Variants in HDLBP observed in about 807,000 individuals in gnomAD.
The protein encoded by HDLBP is high density lipoprotein binding protein, also known as vigilin.
HDLBP carries 30 observed loss-of-function variants against 137.3 expected under a neutral mutation model. That is an observed-to-expected ratio of 0.22 (90% confidence interval 0.16 to 0.30). HDLBP has a LOEUF of 0.30. Among genes scored for constraint, HDLBP ranks in the 10% least tolerant of loss-of-function variants. HDLBP has a pLI of 1.00. For missense variants in HDLBP, 1,119 were observed against 1,667.3 expected (o/e 0.67, Z 5.73); for synonymous variants, 606 against 596.0 (o/e 1.02, Z -0.24).
intron 12 of HDLBP, 77 bp from the exon 13 acceptor site, chr2:241,248,425 G>A: frequency 8.5e-7 from 1 of 1,173,302 alleles, no homozygotes; most frequent in Non-Finnish European, 1.3e-6. Flanking sequence ...GGGGACACCA[G>A]GGAGCCCTGG....
intron 1 of HDLBP, among the ~76,000 whole-genome samples, chr2:241,306,135 G>C (rs1280792328): frequency 6.6e-6 from 1 of 151,916 alleles, no homozygotes; most frequent in East Asian, 1.9e-4. Flanking sequence ...GATGTTTTAT[G>C]AGTGACTACC....
Position 241,239,808 on chromosome 2 carries a change from C to T in HDLBP, c.2404G>A (p.Glu802Lys), listed in dbSNP as rs1221036289. 1 of 1,613,718 alleles carries T rather than the reference C, an allele frequency of 6.2e-7. No homozygotes were observed. Among genetic ancestry groups the T allele is most frequent in the Non-Finnish European group, 8.5e-7 (1 of 1,179,980 alleles). The change falls in exon 19 of 28, where the codon GAA becomes AAA. Residue 802 changes from glutamate to lysine, a missense_variant. Physicochemically the swap from Glu to Lys is moderately conservative, Grantham distance 56. Coordinates refer to ENST00000310931, the MANE Select transcript of HDLBP (RefSeq NM_005336.6). The surrounding 1 kb of genome is among the most constrained non-coding windows in gnomAD (Gnocchi z 4.6). ...TTGGGGTCCACCAGCATGGAGTCTT[C>T]CACCACATTATCCTGCAGTGTTAAG... Reference protein sequence around the residue: ...ALIQNLDNVVEDSMLVDPKHH... With the variant: ...ALIQNLDNVVKDSMLVDPKHH...
At chr2:241,283,431 T>C (rs2074684285) in intron 1 of HDLBP, among the ~76,000 whole-genome samples, 1 of 151,750 alleles carries the variant, frequency 6.6e-6, no homozygotes, top group Admixed American at 6.6e-5. Flanking sequence ...AGCCTCATAG[T>C]GCAAGAAGAT....
At chr2:241,307,596 AC>A (rs35978047) in intron 1 of HDLBP, among the ~76,000 whole-genome samples, 7 of 151,932 alleles carry the variant, frequency 4.6e-5, no homozygotes, top group African/African-American at 9.7e-5. Flanking sequence ...AAAACTGGCA[AC>A]CCCCCCATGA....
At chr2:241,234,611 A>G (rs1574846298) in intron 23 of HDLBP, among the ~76,000 whole-genome samples, 1 of 152,336 alleles carries the variant, frequency 6.6e-6, no homozygotes, top group South Asian at 2.1e-4. Context: ...CTCTGCTCAC[A>G]CAATCCTCCA....
chr2:241,256,407 G>A lies in HDLBP; in HGVS notation c.658-8C>T, dbSNP rs2149486036. ...CTCCACAGCACGTTTGTCCTGGAAA[G>A]GAAGGGATGATCTGATGAGAACAGG... On this transcript the variant is annotated splice_region_variant and splice_polypyrimidine_tract_variant and intron_variant, in intron 6 of 27. Transcript: ENST00000310931. The A allele has an allele frequency of 1.9e-6, 3 of 1,598,808 alleles. No homozygotes were observed. Among genetic ancestry groups the A allele is most frequent in the African/African-American group, 2.7e-5 (2 of 74,838 alleles).
At chr2:241,255,283 AG>A in intron 8 of HDLBP, 90 bp downstream of exon 8, 2 of 1,429,770 alleles carry the variant, frequency 1.4e-6, no homozygotes, top group Non-Finnish European at 2.0e-6. Context: ...CACTGTGTCC[AG>A]GCCCCAGGAT....
chr2:241,315,570 C>G lies in HDLBP; in HGVS notation c.-103G>C, dbSNP rs1304110871. The G allele has an allele frequency of 6.6e-6, 1 of 152,440 alleles. No homozygotes were observed. The highest frequency in any genetic ancestry group is 1.9e-4 in the East Asian group (1 of 5,190). The allele number at this position is 152,440 out of a possible 1,614,324, so 9.4% of individuals were successfully genotyped here. On this transcript the variant is annotated splice_region_variant and 5_prime_UTR_variant, in exon 1 of 28. Coordinates refer to ENST00000310931, the MANE Select transcript of HDLBP (RefSeq NM_005336.6). The stretch of plus-strand genomic sequence containing the variant: ...ACCGCAAGGCGAAGATTCTCATTAC[C>G]TGTTCCACTCTTATAAGCATAAGAA...
chr2:241,235,656 C>A, intron 21 of HDLBP, 62 bp from the exon 22 acceptor site: 1 of 1,166,666 alleles, frequency 8.6e-7, no homozygotes, highest in Non-Finnish European at 1.3e-6. Context: ...GTTGTAAGCT[C>A]AGCAATGGGG....
intron 1 of HDLBP, among the ~76,000 whole-genome samples, chr2:241,290,654 A>G (rs1010832381): frequency 6.6e-6 from 1 of 151,970 alleles, no homozygotes; most frequent in Non-Finnish European, 1.5e-5. Flanking sequence ...TAAAAATAAA[A>G]CGTTCCACTT....
In HDLBP at chr2:241,272,872, G is replaced by T; in HGVS notation, c.-102-4331C>A. On this transcript the variant is annotated intron_variant, in intron 1 of 27. Coordinates refer to ENST00000310931, the MANE Select transcript of HDLBP (RefSeq NM_005336.6). This position sits in a 1 kb window ranked among gnomAD's most constrained non-coding sequence, Gnocchi z 5.6. ...GGCCCCGGCTGCTATATAGGGCGGC[G>T]GCCCAATCCCGCCTGGACACGTCAG... The T allele has an allele frequency of 2.7e-6, 1 of 366,802 alleles. No homozygotes were observed. Among genetic ancestry groups the T allele is most frequent in the Non-Finnish European group, 3.8e-6 (1 of 264,784 alleles). 22.7% of individuals were successfully genotyped at this position (366,802 alleles called of 1,614,324 possible).
chr2:241,274,234 T>C (rs59542139), intron 1 of HDLBP, among the ~76,000 whole-genome samples: 48,252 of 151,844 alleles, frequency 0.32, 8,391 homozygotes, highest in East Asian at 0.51. Flanking sequence ...CCAGCAGAAA[T>C]ACCATGCACT....
chr2:241,255,055 G>A lies in HDLBP; in HGVS notation c.1184C>T (p.Pro395Leu). Residue 395 changes from proline (P) to leucine (L), a missense_variant, in exon 9 of 28, where the codon CCA (proline) becomes CTA (leucine). This residue lies in a region of HDLBP where 425 missense variants were observed against 693.9 expected (regional missense o/e 0.61). Transcript: ENST00000310931. Reference protein sequence around the residue: ...QNLAKITQQMPKVHIEFTEGE... With the variant: ...QNLAKITQQMLKVHIEFTEGE... Reference sequence around the variant, plus strand: ...AGGTGAAAAACGTGTCCTTACCTTTGGCATCTGCTGAGTGATTTTGGCCAG... The same window carrying A: ...AGGTGAAAAACGTGTCCTTACCTTTAGCATCTGCTGAGTGATTTTGGCCAG... 6.2e-7 allele frequency: 1 copy of A among 1,605,612 alleles called. No individual in the cohort carries two copies. The highest frequency in any genetic ancestry group is 1.1e-5 in the South Asian group (1 of 90,866).
intron 1 of HDLBP, chr2:241,273,073 G>C (rs1328088565): frequency 2.9e-5 from 29 of 985,418 alleles, no homozygotes; most frequent in Non-Finnish European, 3.5e-5. Flanking sequence ...GCAAGAACCC[G>C]AGTGGAAACA....
intron 7 of HDLBP, 146 bp downstream of exon 7, chr2:241,256,038 C>A: frequency 1.4e-6 from 1 of 708,846 alleles, no homozygotes; most frequent in South Asian, 1.8e-5. Flanking sequence ...ACCGATCTCA[C>A]CCGGGTCACT....
chr2:241,266,940 T>C (rs577751495), intron 2 of HDLBP, 34 bp from the exon 3 acceptor site: 5 of 1,446,994 alleles, frequency 3.5e-6, no homozygotes, highest in Non-Finnish European at 4.9e-6. Flanking sequence ...GAAGTCAAAG[T>C]ACAACCCTCA....
Position 241,255,362 on chromosome 2 carries a change from G to A in HDLBP, c.1080+12C>T, listed in dbSNP as rs150740258. On this transcript the variant is annotated intron_variant, in intron 8 of 27. Transcript: ENST00000310931. ...CTCAAAGGAGACACACTTCATGCTC[G>A]GAGGCAGTTACCTTGGCATAGACTT... 4.4e-4 allele frequency: 705 copies of A among 1,611,112 alleles called. 2 individuals carry two copies. The highest frequency in any genetic ancestry group is 3.3e-4 in the Middle Eastern group (2 of 6,014).
At position 241,235,133 on chromosome 2, in the gene HDLBP, C is replaced by T; in HGVS notation, c.3132G>A (p.Glu1044=). 6.2e-7 allele frequency: 1 copy of T among 1,613,452 alleles called. No individual in the cohort carries two copies. Among genetic ancestry groups the T allele is most frequent in the Non-Finnish European group, 8.5e-7 (1 of 1,179,970 alleles). Residue 1044 remains glutamate (E), a synonymous_variant, in exon 23 of 28, where the codon GAG becomes GAA. Coordinates refer to ENST00000310931, the MANE Select transcript of HDLBP (RefSeq NM_005336.6). ...ACCTCCTGCTCACCCGGTCCTCCTG[C>T]TCGGCCTGTAGCTCCTTCACACGCT... ...LLERVKELQA[E]QEDRALRSFK...
chr2:241,308,208 C>T (rs2075642710), intron 1 of HDLBP, among the ~76,000 whole-genome samples: 1 of 152,178 alleles, frequency 6.6e-6, no homozygotes, highest in Non-Finnish European at 1.5e-5. Context: ...AGCTTATTGA[C>T]CTTTTGAATT....
Sources: allele counts gnomAD v4.1 joint callset (sites outside exome capture counted in the v4.1 genomes callset), GRCh38; gene constraint gnomAD v4.1.1; regional missense constraint gnomAD v4.1.1; non-coding constraint Gnocchi (gnomAD v3.1); transcripts MANE v1.5; gene names NCBI Gene and HGNC (gene_info 2026-07-23, HGNC 2026-07-21).